The following LZTR1 variants were observed in gnomAD, a reference collection of about 807,000 sequenced individuals.
LZTR1 encodes leucine zipper like post translational regulator 1, also known as leucine-zipper-like transcriptional regulator 1.
LZTR1 carries 260 observed loss-of-function variants against 105.7 expected under a neutral mutation model. The ratio of observed to expected loss-of-function variants is 2.46; its 90% confidence interval spans 2.22 to 2.72. The LOEUF is 2.72. Ranked by LOEUF, LZTR1 falls within the 30% of genes most tolerant of loss-of-function variation. The pLI is 0.00. For missense variants in LZTR1, 1,214 were observed against 1,166.9 expected, an observed-to-expected ratio of 1.04 and a Z score of -0.59; for synonymous variants, 490 against 476.4, an observed-to-expected ratio of 1.03 and a Z score of -0.37.
In LZTR1 at chr22:20,994,590, G is replaced by C; in HGVS notation, c.1648G>C (p.Val550Leu). 1 of 1,612,112 alleles carries C rather than the reference G, an allele frequency of 6.2e-7. No homozygotes were observed. The highest frequency in any genetic ancestry group is 8.5e-7 in the Non-Finnish European group (1 of 1,179,984). The stretch of plus-strand genomic sequence containing the variant: ...GGAGGATGTGCTGCTCATCATGGAT[G>C]TGTACAAACTGGCACTGAGCTTCCA... ...HVEDVLLIMD[V>L]YKLALSFQLC... Residue 550 changes from valine (V) to leucine (L), a missense_variant, in exon 15 of 21, where the codon GTG (valine) becomes CTG (leucine). Coordinates refer to ENST00000646124, the MANE Select transcript of LZTR1 (RefSeq NM_006767.4).
In LZTR1 at chr22:20,994,624, GCCTGGA is replaced by G; in HGVS notation, c.1683_1688del (p.Leu562_Glu563del). 1 of 1,612,520 alleles carries G rather than the reference GCCTGGA, an allele frequency of 6.2e-7. No individual in the cohort carries two copies. Among genetic ancestry groups the G allele is most frequent in the Non-Finnish European group, 8.5e-7 (1 of 1,179,800 alleles). ...CTGGCACTGAGCTTCCAGTTGTGCC[GCCTGGA>G]GCAGCTGTGCCGCCAGTACATCGAG... On this transcript the variant is annotated inframe_deletion, in exon 15 of 21. Coordinates refer to ENST00000646124, the MANE Select transcript of LZTR1 (RefSeq NM_006767.4).
intron 20 of LZTR1, 77 bp from the exon 21 acceptor site, chr22:20,997,155 C>T (rs748818064): frequency 1.7e-6 from 2 of 1,168,824 alleles, no homozygotes; most frequent in Admixed American, 3.4e-5. Flanking sequence ...GCAGGGTAGG[C>T]CCCACAGGGC....
rs576761769 is a variant in LZTR1, at chr22:20,994,494, C to T, written c.1616-64C>T. ...GCCCACACTCTTCCATGGGGGGAGC[C>T]CTGCGCCCTGTGCCCTGCCCTCCCC... On this transcript the variant is annotated intron_variant, in intron 14 of 20. Transcript: ENST00000646124. 531 of 1,536,178 alleles carry T rather than the reference C, an allele frequency of 3.5e-4. 6 individuals are homozygous for T. The South Asian group carries it at 5.7e-3, about 16-fold the overall frequency.
Position 20,994,554 on chromosome 22 carries a change from G to A in LZTR1, c.1616-4G>A, listed in dbSNP as rs368206951. The stretch of plus-strand genomic sequence containing the variant: ...CCCTGAGATTCGGGGGCTCTGGGGC[G>A]CAGGCCATGTGGAGGATGTGCTGCT... On this transcript the variant is annotated splice_polypyrimidine_tract_variant and splice_region_variant and intron_variant, in intron 14 of 20. Coordinates refer to ENST00000646124, the MANE Select transcript of LZTR1 (RefSeq NM_006767.4). 21 of 1,607,426 alleles carry A rather than the reference G, an allele frequency of 1.3e-5. No individual in the cohort carries two copies. The highest frequency in any genetic ancestry group is 3.3e-5 in the Admixed American group (2 of 60,000).
Position 20,991,766 on chromosome 22 carries a change from G to C in LZTR1, c.930G>C (p.Glu310Asp), listed in dbSNP as rs1924615892. 6.4e-7 allele frequency: 1 copy of C among 1,557,872 alleles called. No homozygotes were observed. The highest frequency in any genetic ancestry group is 8.7e-7 in the Non-Finnish European group (1 of 1,150,608). The change falls in exon 9 of 21, where the codon GAG (glutamate) becomes GAC (aspartate). Residue 310 changes from glutamate to aspartate, a missense_variant. Physicochemically the swap from Glu to Asp is conservative, Grantham distance 45. Transcript: ENST00000646124. ...CGGCCGACAACACGCTGCCCAACGAGCTGCACTGCTATGACGTGGACTTCC... is the reference window on the plus strand; with the variant it reads ...CGGCCGACAACACGCTGCCCAACGACCTGCACTGCTATGACGTGGACTTCC... ...GGAADNTLPN[E>D]LHCYDVDFQT...
At chr22:20,989,759 G>A (rs1924534410) in intron 7 of LZTR1, 77 bp downstream of exon 7, 8 of 940,008 alleles carry the variant, frequency 8.5e-6, no homozygotes, top group Admixed American at 3.0e-5. Context: ...TGGAGGAGGT[G>A]AGGGGCATGG....
Position 20,988,727 on chromosome 22 carries a change from G to A in LZTR1, c.510-62G>A, listed in dbSNP as rs982146668. ...GTGGCCCCTGCACTGACCACATGGG[G>A]CTGGGTGGCTCAGGTCTGTGCTGGG... is the stretch of plus-strand genomic sequence containing the variant. On this transcript the variant is annotated intron_variant, in intron 5 of 20. Transcript: ENST00000646124. 3 of 1,251,222 alleles carry A rather than the reference G, an allele frequency of 2.4e-6. No homozygotes were observed. In the South Asian group the frequency reaches 3.6e-5, roughly 15 times the overall value. The allele number at this position is 1,251,222 out of a possible 1,614,324, so 77.5% of individuals were successfully genotyped here.
chr22:20,994,262 A>G lies in LZTR1; in HGVS notation c.1608A>G (p.Pro536=). 1.3e-6 allele frequency: 2 copies of G among 1,596,952 alleles called. No individual in the cohort carries two copies. Among genetic ancestry groups the G allele is most frequent in the Non-Finnish European group, 1.7e-6 (2 of 1,178,560 alleles). Residue 536 remains proline, a synonymous_variant, in exon 14 of 21, where the codon CCA becomes CCG. Coordinates refer to ENST00000646124, the MANE Select transcript of LZTR1 (RefSeq NM_006767.4). ...TCTACACCGACAAGATCAAATACCC[A>G]CGGAAAGGTCCGCCTGGGTGGGGGT... is the stretch of plus-strand genomic sequence containing the variant. ...QFLYTDKIKY[P]RKGHVEDVLL... is the part of the protein sequence containing the mutation.
Position 20,995,781 on chromosome 22 carries a change from G to A in LZTR1, c.1978G>A (p.Glu660Lys), listed in dbSNP as rs151000791. The stretch of plus-strand genomic sequence containing the variant: ...GATCCAGGACATGAAGGCATACCTG[G>A]AGGGAGCGGGCGCGGAATTCTGTGA... Reference protein sequence around the residue: ...SLIQDMKAYLEGAGAEFCDIT... With the variant: ...SLIQDMKAYLKGAGAEFCDIT... The change falls in exon 17 of 21, where the codon GAG becomes AAG. Residue 660 changes from glutamate to lysine, a missense_variant. Physicochemically the swap from Glu to Lys is moderately conservative, Grantham distance 56. Transcript: ENST00000646124. 48 of 1,613,532 alleles carry A rather than the reference G, an allele frequency of 3.0e-5. No homozygotes were observed. Among genetic ancestry groups the A allele is most frequent in the Non-Finnish European group, 5.1e-6 (6 of 1,180,018 alleles).
intron 5 of LZTR1, among the ~76,000 whole-genome samples, 158 bp from the exon 6 acceptor site, chr22:20,988,631 T>G (rs1924488090): frequency 6.6e-6 from 1 of 152,158 alleles, no homozygotes; most frequent in African/African-American, 2.4e-5. Flanking sequence ...CTGGGGCTGT[T>G]GTTTATTCCT....
At chr22:20,993,898 C>T in intron 12 of LZTR1, 26 bp from the exon 13 acceptor site, 1 of 1,602,708 alleles carries the variant, frequency 6.2e-7, no homozygotes, top group Non-Finnish European at 8.5e-7. Flanking sequence ...CCTGTGCCCT[C>T]TGCCAGTGCA....
At position 20,993,923 on chromosome 22, in the gene LZTR1, G is replaced by C. The variant is rs371260400; in HGVS notation, c.1354-1G>C. ...CTGCCAGTGCATCATTCTTTGTGCA[G>C]AAGGAGGAGTGCGTGCAGGGCCACG... On this transcript the variant is annotated splice_acceptor_variant, in intron 12 of 20. Transcript: ENST00000646124. LOFTEE classifies it high-confidence loss of function. 2 of 1,611,440 alleles carry C rather than the reference G, an allele frequency of 1.2e-6. No homozygotes were observed. Among genetic ancestry groups the C allele is most frequent in the African/African-American group, 2.7e-5 (2 of 74,952 alleles).
intron 18 of LZTR1, 119 bp downstream of exon 18, chr22:20,996,231 TC>T: frequency 2.6e-6 from 3 of 1,146,506 alleles, no homozygotes; most frequent in Non-Finnish European, 3.7e-6. Context: ...AGCGCCTCCC[TC>T]CAGAGGGTTT....
rs961282168 is a variant in LZTR1, at chr22:20,994,871, A to G, written c.1787A>G (p.Glu596Gly). 1.2e-6 allele frequency: 2 copies of G among 1,613,156 alleles called. No homozygotes were observed. Among genetic ancestry groups the G allele is most frequent in the Non-Finnish European group, 1.7e-6 (2 of 1,179,900 alleles). The stretch of plus-strand genomic sequence containing the variant: ...CCTGCCTGTGCCTGTCTGCCCCAGG[A>G]GCACTGCCTGAACTTCGTGGTAAAG... Reference protein sequence around the residue: ...AARLQLSQLKEHCLNFVVKES... With the variant: ...AARLQLSQLKGHCLNFVVKES... Residue 596 changes from glutamate to glycine, a missense_variant and splice_region_variant, in exon 16 of 21, where the codon GAG (glutamate) becomes GGG (glycine). Transcript: ENST00000646124.
At chr22:20,987,722 C>T in intron 4 of LZTR1, 139 bp downstream of exon 4, 1 of 792,862 alleles carries the variant, frequency 1.3e-6, no homozygotes, top group Non-Finnish European at 2.1e-6. Context: ...GTCTGCCAGT[C>T]TTCGGAATTC....
intron 8 of LZTR1, chr22:20,991,176 AAGCCTG>A (rs1299276349): frequency 5.7e-6 from 1 of 174,924 alleles, no homozygotes; most frequent in Non-Finnish European, 1.2e-5. Context: ...AGGTACTGGG[AAGCCTG>A]GGAGGTGGAA....
intron 7 of LZTR1, 30 bp from the exon 8 acceptor site, chr22:20,990,356 C>A (rs766218054): frequency 6.2e-7 from 1 of 1,613,542 alleles, no homozygotes; most frequent in African/African-American, 1.3e-5. Flanking sequence ...CCCTGTGAGG[C>A]CGGGGCTGAG....
At chr22:20,987,763 G>A (rs993264501) in intron 4 of LZTR1, among the ~76,000 whole-genome samples, 180 bp downstream of exon 4, 2 of 152,202 alleles carry the variant, frequency 1.3e-5, no homozygotes, top group African/African-American at 4.8e-5. Flanking sequence ...TTGCCCTAAC[G>A]GCCCTGAGCT....
rs149502567 is a variant in LZTR1, at chr22:20,994,210, G to C, written c.1556G>C (p.Arg519Pro). 2 of 1,601,696 alleles carry C rather than the reference G, an allele frequency of 1.2e-6. No homozygotes were observed. The highest frequency in any genetic ancestry group is 1.7e-6 in the Non-Finnish European group (2 of 1,179,192). Residue 519 changes from arginine to proline, a missense_variant, in exon 14 of 21, where the codon CGG becomes CCG. Transcript: ENST00000646124. ...GTGGCCATCCGGGAGGCCGAGGCCCGGCCCTTCGAGGTGCTCATGCAGTTC... is the reference window on the plus strand; with the variant it reads ...GTGGCCATCCGGGAGGCCGAGGCCCCGCCCTTCGAGGTGCTCATGCAGTTC... ...LHVAIREAEA[R>P]PFEVLMQFLY...
Sources: gnomAD v4.1 joint callset for allele counts (sites outside exome capture counted in the v4.1 genomes callset) on GRCh38, gnomAD v4.1.1 for gene constraint, MANE v1.5 for transcripts, NCBI Gene and HGNC (gene_info 2026-07-23, HGNC 2026-07-21) for gene names.